Variants in SLCO4C1 observed in about 807,000 individuals in gnomAD.
SLCO4C1 encodes organic anion transporter M1.
A neutral mutation model predicts 72.1 loss-of-function variants in SLCO4C1; 58 were observed. The observed-to-expected ratio is 0.80, with a 90% CI of 0.65 to 1.00. SLCO4C1 has a LOEUF of 1.00. SLCO4C1 is among the 50% of genes least tolerant of loss of function. The pLI, the probability that SLCO4C1 is intolerant of heterozygous loss-of-function variation, is 0.00. For missense variants in SLCO4C1, 898 were observed against 857.9 expected (o/e 1.05, Z -0.58); for synonymous variants, 297 against 312.5 (o/e 0.95, Z 0.52).
At chr5:102,242,878 G>A (rs1246636850) in intron 10 of SLCO4C1, among the ~76,000 whole-genome samples, 1 of 152,088 alleles carries the variant, frequency 6.6e-6, no homozygotes, top group Non-Finnish European at 1.5e-5. Flanking sequence ...CTGCCCCGGG[G>A]GGTAGAGCAC....
chr5:102,284,636 T>G (rs1319542192), intron 2 of SLCO4C1, among the ~76,000 whole-genome samples: 1 of 151,954 alleles, frequency 6.6e-6, no homozygotes, highest in African/African-American at 2.4e-5. Context: ...GTTCTTCTTT[T>G]TTTTTTTTCC....
Position 102,236,722 on chromosome 5 carries a change from A to T in SLCO4C1, c.*136T>A. 1 of 1,023,100 alleles carries T rather than the reference A, an allele frequency of 9.8e-7. No homozygotes were observed. The highest frequency in any genetic ancestry group is 2.8e-5 in the Admixed American group (1 of 35,214). 63.4% of individuals were successfully genotyped at this position (1,023,100 alleles called of 1,614,324 possible). A position where few individuals can be genotyped will look rare whatever the true frequency, so the allele number is the denominator to read the frequency against. On this transcript the variant is annotated 3_prime_UTR_variant, in exon 13 of 13. Transcript: ENST00000310954. ...AAACAAAAACTACATAAGTAAAAAA[A>T]TACATTTGATTATAAAAACATCAAT...
rs576099912 is a variant in SLCO4C1, at chr5:102,235,205, G to A, written c.*1653C>T. ...GCAAATTTCTAATGTTTCTAATCTT[G>A]GTTTCCTACAAGATCTAACACTAAG... is the stretch of plus-strand genomic sequence containing the variant. On this transcript the variant is annotated 3_prime_UTR_variant, in exon 13 of 13. Coordinates refer to ENST00000310954, the MANE Select transcript of SLCO4C1 (RefSeq NM_180991.5). 6.6e-6 allele frequency: 1 copy of A among 152,170 alleles called. No homozygotes were observed. Among genetic ancestry groups the A allele is most frequent in the South Asian group, 2.1e-4 (1 of 4,820 alleles). 9.4% of individuals were successfully genotyped at this position (152,170 alleles called of 1,614,324 possible).
At chr5:102,281,428 A>C (rs960697006) in intron 2 of SLCO4C1, among the ~76,000 whole-genome samples, 1 of 152,136 alleles carries the variant, frequency 6.6e-6, no homozygotes, top group African/African-American at 2.4e-5. Flanking sequence ...TATAAAAGGA[A>C]AAAACTGATA....
At chr5:102,263,215 A>G (rs1159893699) in intron 4 of SLCO4C1, among the ~76,000 whole-genome samples, 1 of 152,162 alleles carries the variant, frequency 6.6e-6, no homozygotes, top group Non-Finnish European at 1.5e-5. Flanking sequence ...ACAAATAAAT[A>G]TTATCTATTA....
chr5:102,273,064 A>C (rs1003827653), intron 2 of SLCO4C1, among the ~76,000 whole-genome samples: 43 of 152,304 alleles, frequency 2.8e-4, no homozygotes, highest in Admixed American at 1.7e-3. Context: ...AAAGAACAAA[A>C]CTATCAGAAA....
intron 2 of SLCO4C1, among the ~76,000 whole-genome samples, chr5:102,279,665 A>G (rs1440409392): frequency 1.3e-5 from 2 of 152,076 alleles, no homozygotes; most frequent in Non-Finnish European, 2.9e-5. Flanking sequence ...AGACACAAAA[A>G]TGCTTAACAA....
Position 102,239,320 on chromosome 5 carries a change from C to T in SLCO4C1, c.1945G>A (p.Asp649Asn), listed in dbSNP as rs1401134383. ...DSTCILWDIN[D>N]CGIKGACWIY... Reference sequence around the variant, plus strand: ...CAGCAAGCTCCTTTAATTCCACAATCATTTATATCCCAAAGAATACATGTG... The same window carrying T: ...CAGCAAGCTCCTTTAATTCCACAATTATTTATATCCCAAAGAATACATGTG... Residue 649 changes from aspartate to asparagine, a missense_variant, in exon 12 of 13, where the codon GAT becomes AAT. Asp to Asn is a conservative substitution (Grantham distance 23). Coordinates refer to ENST00000310954, the MANE Select transcript of SLCO4C1 (RefSeq NM_180991.5). 6.2e-7 allele frequency: 1 copy of T among 1,604,568 alleles called. No individual in the cohort carries two copies. The highest frequency in any genetic ancestry group is 1.3e-5 in the African/African-American group (1 of 74,508).
Position 102,236,625 on chromosome 5 carries a change from TGC to T in SLCO4C1, c.*231_*232del. The T allele has an allele frequency of 2.4e-6, 1 of 411,784 alleles. No individual in the cohort carries two copies. The highest frequency in any genetic ancestry group is 4.4e-6 in the Non-Finnish European group (1 of 228,878). The allele number at this position is 411,784 out of a possible 1,614,324, so 25.5% of individuals were successfully genotyped here. ...GTGTTCGTGTGTGTGTGTGTGTGTG[TGC>T]TCGTGTGTGTGTGTGCTGTGTTTTG... On this transcript the variant is annotated 3_prime_UTR_variant, in exon 13 of 13. Coordinates refer to ENST00000310954, the MANE Select transcript of SLCO4C1 (RefSeq NM_180991.5).
intron 8 of SLCO4C1, among the ~76,000 whole-genome samples, chr5:102,250,984 AC>A (rs985789003): frequency 6.8e-4 from 102 of 149,350 alleles, no homozygotes; most frequent in African/African-American, 2.3e-3. Context: ...GAGACTCCAT[AC>A]AAAAAAAATC....
At chr5:102,246,046 A>C (rs1164644098) in intron 10 of SLCO4C1, among the ~76,000 whole-genome samples, 1 of 152,034 alleles carries the variant, frequency 6.6e-6, no homozygotes, top group Non-Finnish European at 1.5e-5. Context: ...AGAAGTACTA[A>C]TAGGGAAGTT....
intron 12 of SLCO4C1, among the ~76,000 whole-genome samples, chr5:102,237,338 C>T (rs563233427): frequency 6.6e-6 from 1 of 152,102 alleles, no homozygotes; most frequent in East Asian, 1.9e-4. Context: ...TTTGTTAACA[C>T]AAGCCCATAA....
rs559183286 is a variant in SLCO4C1 at position 102,277,793 on chromosome 5, A to G, written c.620-6987T>C. On this transcript the variant is annotated intron_variant, in intron 2 of 12. Coordinates refer to ENST00000310954, the MANE Select transcript of SLCO4C1 (RefSeq NM_180991.5). ...GAACCAGAGTCTAATAATATAATAC[A>G]AAGACTATACTTACATACATGTAAT... Among the ~76,000 whole-genome samples the G allele has an allele frequency of 9.3e-4, 142 of 152,154 alleles. 1 individual carries two copies. Among genetic ancestry groups the G allele is most frequent in the Non-Finnish European group, 1.3e-3 (88 of 67,992 alleles).
intron 4 of SLCO4C1, 22 bp downstream of exon 4, chr5:102,263,662 A>G: frequency 6.3e-7 from 1 of 1,589,680 alleles, no homozygotes; most frequent in Non-Finnish European, 8.6e-7. Flanking sequence ...TTTAAATAAA[A>G]GAAAAATAGA....
intron 12 of SLCO4C1, 140 bp downstream of exon 12, chr5:102,239,111 G>T: frequency 1.6e-6 from 1 of 634,704 alleles, no homozygotes; most frequent in East Asian, 3.1e-5. Context: ...AATGTTCTCT[G>T]CTTCAGGAAG....
intron 2 of SLCO4C1, among the ~76,000 whole-genome samples, chr5:102,288,213 T>C (rs1580268777): frequency 6.6e-6 from 1 of 152,322 alleles, no homozygotes. Context: ...TTTGGGGATA[T>C]ACACTGCAAC....
At chr5:102,274,195 C>A (rs982908173) in intron 2 of SLCO4C1, among the ~76,000 whole-genome samples, 1 of 151,998 alleles carries the variant, frequency 6.6e-6, no homozygotes, top group Non-Finnish European at 1.5e-5. Context: ...GTCCTGGAAC[C>A]AATCCCCCAT....
At chr5:102,250,566 A>G (rs1748719827) in intron 8 of SLCO4C1, among the ~76,000 whole-genome samples, 2 of 152,216 alleles carry the variant, frequency 1.3e-5, no homozygotes, top group African/African-American at 4.8e-5. Flanking sequence ...ATAATTATTC[A>G]GTAATATGCT....
intron 2 of SLCO4C1, among the ~76,000 whole-genome samples, chr5:102,290,376 GAACA>G (rs1247794307): frequency 6.6e-6 from 1 of 152,118 alleles, no homozygotes; most frequent in Non-Finnish European, 1.5e-5. Context: ...GTTTTGTTGG[GAACA>G]AACAGAACTC....
Sources: gnomAD v4.1 joint callset for allele counts (sites outside exome capture counted in the v4.1 genomes callset) on GRCh38, gnomAD v4.1.1 for gene constraint, MANE v1.5 for transcripts, NCBI Gene and HGNC (gene_info 2026-07-23, HGNC 2026-07-21) for gene names.